ITGA8: variants seen among roughly 807,000 people sequenced by gnomAD.
ITGA8 encodes the protein integrin alpha-8.
A neutral mutation model predicts 142.3 loss-of-function variants in ITGA8; 91 were observed. That is an observed-to-expected ratio of 0.64 (90% CI 0.54 to 0.76). The LOEUF (loss-of-function observed/expected upper bound fraction) is 0.76, where lower values mean the gene tolerates loss of function less well. ITGA8 is among the 30% of genes least tolerant of loss of function. The pLI is 0.00. For missense variants in ITGA8, 1,406 were observed against 1,327.7 expected (o/e 1.06, Z -0.92); for synonymous variants, 505 against 485.2 (o/e 1.04, Z -0.54).
rs537956543 is a variant in ITGA8 at position 15,553,946 on chromosome 10, C to T, written c.2766+4128G>A. ...AGGCGGAGGTTGCAGTGAGCTGAGA[C>T]GGCACCATTGCACTCTGGCCTGAGC... On this transcript the variant is annotated intron_variant, in intron 26 of 29. Transcript: ENST00000378076. Among the ~76,000 whole-genome samples the T allele has an allele frequency of 1.3e-3, 193 of 151,808 alleles. 1 individual carries two copies. The highest frequency in any genetic ancestry group is 4.4e-3 in the African/African-American group (183 of 41,374).
At position 15,647,079 on chromosome 10, in the gene ITGA8, C is replaced by T. The variant is rs761173685; in HGVS notation, c.1002-28G>A. 9 of 1,556,334 alleles carry T rather than the reference C, an allele frequency of 5.8e-6. No homozygotes were observed. The South Asian group carries it at 1.0e-4, about 17-fold the overall frequency. ...GTAAGGAACAAAGAAAGCAGCTCAG[C>T]ACGCTAGCAGAGAGTAGAGTCACTT... On this transcript the variant is annotated intron_variant, in intron 11 of 29. Transcript: ENST00000378076.
chr10:15,580,573 TA>T (rs2131587353), intron 23 of ITGA8, among the ~76,000 whole-genome samples: 1 of 152,308 alleles, frequency 6.6e-6, no homozygotes, highest in Admixed American at 6.5e-5. Context: ...CTAAAAAGGA[TA>T]ATCATCAACA....
chr10:15,573,969 A>G (rs1421374649), intron 24 of ITGA8, among the ~76,000 whole-genome samples: 1 of 151,550 alleles, frequency 6.6e-6, no homozygotes, highest in Non-Finnish European at 1.5e-5. Context: ...GTTTCTTTTT[A>G]GAAAATTATT....
At chr10:15,572,417 G>A in intron 24 of ITGA8, 48 bp from the exon 25 acceptor site, 5 of 1,576,396 alleles carry the variant, frequency 3.2e-6, no homozygotes, top group Non-Finnish European at 4.3e-6. Flanking sequence ...AAGGCAGAGA[G>A]ATAAAATCAA....
At chr10:15,680,216 C>CTTTTTTTTTTTTTTTTTTTTT (rs71374638) in intron 4 of ITGA8, among the ~76,000 whole-genome samples, 1 of 54,230 alleles carries the variant, frequency 1.8e-5, no homozygotes, top group African/African-American at 8.3e-5. Flanking sequence ...CCAGATGCTC[C>CTTTTTTTTTTTTTTTTTTTTT]TTTTTTTTTT....
At chr10:15,562,213 T>C (rs1416426967) in intron 25 of ITGA8, among the ~76,000 whole-genome samples, 11 of 152,104 alleles carry the variant, frequency 7.2e-5, no homozygotes, top group African/African-American at 2.7e-4. Flanking sequence ...ATAGTAATGA[T>C]AGAGCTATTG....
intron 2 of ITGA8, among the ~76,000 whole-genome samples, chr10:15,718,074 T>G (rs1033025377): frequency 3.9e-5 from 6 of 152,242 alleles, no homozygotes; most frequent in Non-Finnish European, 7.3e-5. Flanking sequence ...TCGGTGTTAA[T>G]GTTTTTGAAA....
rs1041079914 is a variant in ITGA8, at chr10:15,524,040, G to A, written c.2983-4628C>T. Among the ~76,000 whole-genome samples the A allele has an allele frequency of 2.0e-5, 3 of 152,156 alleles. 1 individual carries two copies. Among genetic ancestry groups the A allele is most frequent in the South Asian group, 4.1e-4 (2 of 4,822 alleles). ...ATGTCATCCTGTGCAATTCATTAGCGGGAAAGAATACACAGAGTCTTAAAA... is the reference window on the plus strand; with the variant it reads ...ATGTCATCCTGTGCAATTCATTAGCAGGAAAGAATACACAGAGTCTTAAAA... On this transcript the variant is annotated intron_variant, in intron 28 of 29. Transcript: ENST00000378076.
At chr10:15,538,110 A>G (rs1413590201) in intron 27 of ITGA8, among the ~76,000 whole-genome samples, 1 of 152,222 alleles carries the variant, frequency 6.6e-6, no homozygotes, top group Admixed American at 6.5e-5. Flanking sequence ...CAACAGAGTA[A>G]GACCCTGTTT....
At chr10:15,614,302 C>T (rs1564375241) in intron 14 of ITGA8, among the ~76,000 whole-genome samples, 1 of 152,106 alleles carries the variant, frequency 6.6e-6, no homozygotes, top group Non-Finnish European at 1.5e-5. Flanking sequence ...ATACACGAAG[C>T]AGGGTTTGCA....
At chr10:15,701,083 C>G (rs1165560077) in intron 2 of ITGA8, among the ~76,000 whole-genome samples, 1 of 152,100 alleles carries the variant, frequency 6.6e-6, no homozygotes, top group Admixed American at 6.5e-5. Flanking sequence ...AACCAAGTTC[C>G]CATCTATTCA....
At chr10:15,560,345 A>G (rs1217792603) in intron 25 of ITGA8, among the ~76,000 whole-genome samples, 1 of 152,228 alleles carries the variant, frequency 6.6e-6, no homozygotes, top group Admixed American at 6.5e-5. Context: ...AGATTGGTGG[A>G]GGTGGAAATT....
chr10:15,642,638 T>C (rs926130058), intron 13 of ITGA8, among the ~76,000 whole-genome samples: 1 of 152,010 alleles, frequency 6.6e-6, no homozygotes, highest in Non-Finnish European at 1.5e-5. Flanking sequence ...CCTAAGAAAA[T>C]AAATTTAACT....
At chr10:15,590,422 G>A (rs898647445) in intron 22 of ITGA8, among the ~76,000 whole-genome samples, 4 of 152,174 alleles carry the variant, frequency 2.6e-5, no homozygotes, top group Admixed American at 2.0e-4. Context: ...CTTCAACCAA[G>A]AGCGAGGAGG....
chr10:15,535,561 C>T (rs926979501), intron 27 of ITGA8, among the ~76,000 whole-genome samples: 62 of 152,110 alleles, frequency 4.1e-4, no homozygotes, highest in Non-Finnish European at 8.4e-4. Flanking sequence ...TATCTAGCTT[C>T]TCTGGTGGGG....
chr10:15,538,527 A>AAAC (rs1179145214), intron 27 of ITGA8, among the ~76,000 whole-genome samples: 7,226 of 149,434 alleles, frequency 0.048, 660 homozygotes, highest in African/African-American at 0.17. Flanking sequence ...AAAAAAAAAA[A>AAAC]AAAACTATAG....
chr10:15,582,881 T>C (rs1588657892), intron 23 of ITGA8, among the ~76,000 whole-genome samples: 1 of 152,234 alleles, frequency 6.6e-6, no homozygotes, highest in Non-Finnish European at 1.5e-5. Context: ...CAGTTTCTTA[T>C]AAACATACAC....
intron 21 of ITGA8, among the ~76,000 whole-genome samples, chr10:15,593,876 C>T (rs1320169934): frequency 6.8e-6 from 1 of 146,046 alleles, no homozygotes; most frequent in East Asian, 2.0e-4. Flanking sequence ...GAGTCTTGCT[C>T]TCTTGCCCAG....
chr10:15,665,397 T>C (rs1834369247), intron 8 of ITGA8, among the ~76,000 whole-genome samples: 1 of 152,222 alleles, frequency 6.6e-6, no homozygotes, highest in Admixed American at 6.5e-5. Context: ...TTTGAGTTCA[T>C]TGTAGATTCT....
Sources: gnomAD v4.1 joint callset for allele counts (sites outside exome capture counted in the v4.1 genomes callset) on GRCh38, gnomAD v4.1.1 for gene constraint, MANE v1.5 for transcripts, NCBI Gene and HGNC (gene_info 2026-07-23, HGNC 2026-07-21) for gene names.